TRMT13: variants seen among roughly 807,000 people sequenced by gnomAD.
TRMT13 encodes the protein tRNA:m(4)X modification enzyme TRM13 homolog.
In TRMT13, 45 loss-of-function variants were observed where a neutral mutation model predicts 55.9. That is an observed-to-expected ratio of 0.80 (90% confidence interval 0.63 to 1.03). TRMT13 has a LOEUF of 1.03. Ranked by LOEUF, TRMT13 falls within the 50% of genes least tolerant of loss-of-function variation. The probability of loss-of-function intolerance (pLI) is 0.00; values close to 1 mark genes in which losing one functional copy is unlikely to be tolerated. For synonymous variants in TRMT13, 183 were observed against 196.3 expected (o/e 0.93, Z 0.57); for missense variants, 513 against 563.9 (o/e 0.91, Z 0.91).
In TRMT13 at chr1:100,140,192, C is replaced by T. The variant is rs973609487; in HGVS notation, c.335C>T (p.Ser112Phe). 8 of 1,609,136 alleles carry T rather than the reference C, an allele frequency of 5.0e-6. No homozygotes were observed. Among genetic ancestry groups the T allele is most frequent in the Non-Finnish European group, 6.8e-6 (8 of 1,177,568 alleles). ...TATTTTTGTATATAGGTTCCAATTT[C>T]TTCTCTATCTGAAGAGCAGTTGGAA... The part of the protein sequence containing the change: ...TEIPEQLVPI[S>F]SLSEEQLEKL... Residue 112 changes from serine to phenylalanine, a missense_variant, in exon 5 of 11, where the codon TCT becomes TTT. By Grantham distance (155) the Ser-to-Phe change is radical. Coordinates refer to ENST00000370141, the MANE Select transcript of TRMT13 (RefSeq NM_019083.3).
intron 5 of TRMT13, 22 bp from the exon 6 acceptor site, chr1:100,140,386 G>A (rs570284946): frequency 6.3e-7 from 1 of 1,599,372 alleles, no homozygotes; most frequent in African/African-American, 1.3e-5. Context: ...TGCTTAAGCT[G>A]TTGTGCTTAT....
chr1:100,139,551 G>A, intron 3 of TRMT13, 98 bp from the exon 4 acceptor site: 1 of 698,564 alleles, frequency 1.4e-6, no homozygotes, highest in African/African-American at 1.8e-5. Context: ...AGGATGGCAG[G>A]TACAGAGCAG....
In TRMT13 at chr1:100,136,895, G is replaced by A. The variant is rs375088529; in HGVS notation, c.161G>A (p.Arg54Gln). The A allele has an allele frequency of 7.5e-6, 12 of 1,598,182 alleles. No individual in the cohort carries two copies. The highest frequency in any genetic ancestry group is 1.2e-5 in the South Asian group (1 of 86,554). Residue 54 changes from arginine (R) to glutamine (Q), a missense_variant, in exon 2 of 11, where the codon CGG becomes CAG. Physicochemically the swap from Arg to Gln is conservative, Grantham distance 43 (BLOSUM62 1). This residue lies in a region of TRMT13 where 298 missense variants were observed against 290.3 expected (regional missense o/e 1.03). Coordinates refer to ENST00000370141, the MANE Select transcript of TRMT13 (RefSeq NM_019083.3). ...HAGAAEEEDA[R>Q]KRILCPLDPK... Reference sequence around the variant, plus strand: ...TTAATTTATTAGGAAGAAGATGCTCGGAAAAGAATCCTGTGTCCTTTAGAT... The same window carrying A: ...TTAATTTATTAGGAAGAAGATGCTCAGAAAAGAATCCTGTGTCCTTTAGAT...
intron 9 of TRMT13, 141 bp from the exon 10 acceptor site, chr1:100,147,753 T>G: frequency 1.4e-6 from 1 of 693,886 alleles, no homozygotes; most frequent in South Asian, 2.4e-5. Context: ...TTCATGATAG[T>G]ATTATTACAA....
At chr1:100,148,457 C>G in intron 10 of TRMT13, 131 bp downstream of exon 10, 1 of 1,116,168 alleles carries the variant, frequency 9.0e-7, no homozygotes, top group Middle Eastern at 2.5e-4. Context: ...CTAAAATATA[C>G]ACATCTTTTA....
Position 100,149,387 on chromosome 1 carries a change from C to T in TRMT13, c.*567C>T, listed in dbSNP as rs759406944. ...TCACCTTCAAATTTCCAGAGCCATA[C>T]ATGTATATATTGTCAGAATCTGTCC... On this transcript the variant is annotated 3_prime_UTR_variant, in exon 11 of 11. Coordinates refer to ENST00000370141, the MANE Select transcript of TRMT13 (RefSeq NM_019083.3). 13 of 1,546,110 alleles carry T rather than the reference C, an allele frequency of 8.4e-6. No homozygotes were observed. The African/African-American group carries it at 1.4e-4, about 16-fold the overall frequency.
intron 1 of TRMT13, 135 bp from the exon 2 acceptor site, chr1:100,136,747 G>T: frequency 1.3e-6 from 1 of 789,174 alleles, no homozygotes; most frequent in Non-Finnish European, 2.0e-6. Context: ...ACCTGATTTT[G>T]CCAACTTTTC....
At chr1:100,144,217 G>C in intron 9 of TRMT13, 74 bp downstream of exon 9, 1 of 1,039,398 alleles carries the variant, frequency 9.6e-7, no homozygotes, top group Non-Finnish European at 1.5e-6. Flanking sequence ...CCATTTCAGT[G>C]GTCTCTTTTG....
intron 8 of TRMT13, 26 bp from the exon 9 acceptor site, chr1:100,144,043 A>G: frequency 6.4e-7 from 1 of 1,569,284 alleles, no homozygotes. Context: ...ATTTCACTAG[A>G]CAGTTAATTC....
At chr1:100,141,551 C>G (rs1053387589) in intron 7 of TRMT13, among the ~76,000 whole-genome samples, 1 of 152,072 alleles carries the variant, frequency 6.6e-6, no homozygotes, top group African/African-American at 2.4e-5. Flanking sequence ...AGGCTGGTGT[C>G]GAACTCCTGA....
At chr1:100,140,617 G>C (rs1642786063) in intron 6 of TRMT13, 103 bp downstream of exon 6, 2 of 995,452 alleles carry the variant, frequency 2.0e-6, no homozygotes, top group South Asian at 1.6e-5. Context: ...TACCTTTGAG[G>C]GTACCAAATA....
rs371674606 is a variant in TRMT13, at chr1:100,149,148, TTAA to T, written c.*330_*332del. 2.2e-3 allele frequency: 3,503 copies of T among 1,563,864 alleles called. 7 individuals carry two copies. Among genetic ancestry groups the T allele is most frequent in the Middle Eastern group, 8.4e-3 (46 of 5,450 alleles). On this transcript the variant is annotated 3_prime_UTR_variant, in exon 11 of 11. Transcript: ENST00000370141. ...CATAATTAGCGTATTTCTGTTTGTA[TTAA>T]TTTTGGAAATTTATCTTCCTTTGAT...
intron 6 of TRMT13, 69 bp from the exon 7 acceptor site, chr1:100,140,783 C>A: frequency 7.0e-7 from 1 of 1,422,612 alleles, no homozygotes; most frequent in Non-Finnish European, 9.7e-7. Context: ...CAGAAATTAC[C>A]TTGCTGTTTT....
chr1:100,141,029 A>G lies in TRMT13; in HGVS notation c.669+10A>G. 3 of 1,604,690 alleles carry G rather than the reference A, an allele frequency of 1.9e-6. No individual in the cohort carries two copies. The highest frequency in any genetic ancestry group is 2.6e-6 in the Non-Finnish European group (3 of 1,175,480). ...GACCACAAGATTCAAGGTAAGTGAA[A>G]CCATTGCTCTGTGTTAGTAACCAAA... On this transcript the variant is annotated intron_variant, in intron 7 of 10. Transcript: ENST00000370141.
At position 100,148,454 on chromosome 1, in the gene TRMT13, A is replaced by G. The variant is rs1042267472; in HGVS notation, c.1250+128A>G. On this transcript the variant is annotated intron_variant, in intron 10 of 10. Transcript: ENST00000370141. ...ATCTAATTTTAGAATAAGCTAAAATATACACATCTTTTATTGTGGTCATAA... is the reference window on the plus strand; with the variant it reads ...ATCTAATTTTAGAATAAGCTAAAATGTACACATCTTTTATTGTGGTCATAA... The G allele has an allele frequency of 5.3e-6, 6 of 1,130,248 alleles. No individual in the cohort carries two copies. In the Admixed American group the frequency reaches 7.3e-5, roughly 14 times the overall value. 70.0% of individuals were successfully genotyped at this position (1,130,248 alleles called of 1,614,324 possible). A position where few individuals can be genotyped will look rare whatever the true frequency, so the allele number is the denominator to read the frequency against.
rs1422224502 is a variant in TRMT13 at position 100,140,511 on chromosome 1, G to A, written c.498G>A (p.Gln166=). Residue 166 remains glutamine (Q), a synonymous_variant, in exon 6 of 11, where the codon CAG becomes CAA. Coordinates refer to ENST00000370141, the MANE Select transcript of TRMT13 (RefSeq NM_019083.3). ...ATTCTGCAACCAAGCACCTGAAACAGCAGGTATGTTTAGGCTATAGTAACT... is the reference window on the plus strand; with the variant it reads ...ATTCTGCAACCAAGCACCTGAAACAACAGGTATGTTTAGGCTATAGTAACT... The part of the protein sequence containing the change: ...NGDSATKHLK[Q]QASILGNIEN... 2 of 1,607,112 alleles carry A rather than the reference G, an allele frequency of 1.2e-6. No homozygotes were observed. Among genetic ancestry groups the A allele is most frequent in the Non-Finnish European group, 1.7e-6 (2 of 1,173,626 alleles).
chr1:100,137,115 T>A (rs746963224), intron 3 of TRMT13, 30 bp downstream of exon 3: 2 of 1,567,258 alleles, frequency 1.3e-6, no homozygotes, highest in Admixed American at 3.4e-5. Flanking sequence ...AATTGAATGG[T>A]GAAATGTGGT....
Position 100,148,262 on chromosome 1 carries a change from G to A in TRMT13, c.1186G>A (p.Asp396Asn), listed in dbSNP as rs1657537356. ...AAAGAGGCAAGATAATCAGAATGAT[G>A]ATAGTGAAGAGCATGATGATGGAGG... ...TTKRQDNQNDDSEEHDDGGYR... is the reference protein window; with the variant it reads ...TTKRQDNQNDNSEEHDDGGYR... Residue 396 changes from aspartate to asparagine, a missense_variant, in exon 10 of 11, where the codon GAT becomes AAT. Physicochemically the swap from Asp to Asn is conservative, Grantham distance 23. This residue lies in a region of TRMT13 where 209 missense variants were observed against 255.8 expected (regional missense o/e 0.82). Coordinates refer to ENST00000370141, the MANE Select transcript of TRMT13 (RefSeq NM_019083.3). 1.2e-6 allele frequency: 2 copies of A among 1,614,196 alleles called. No homozygotes were observed. The highest frequency in any genetic ancestry group is 2.7e-5 in the African/African-American group (2 of 75,066).
intron 7 of TRMT13, among the ~76,000 whole-genome samples, chr1:100,141,244 A>G (rs1431732843): frequency 1.3e-5 from 2 of 152,204 alleles, no homozygotes; most frequent in African/African-American, 4.8e-5. Flanking sequence ...AATTATTTGC[A>G]GAGACAGGAA....
Sources: allele counts gnomAD v4.1 joint callset (sites outside exome capture counted in the v4.1 genomes callset), GRCh38; gene constraint gnomAD v4.1.1; regional missense constraint gnomAD v4.1.1; transcripts MANE v1.5; gene names NCBI Gene and HGNC (gene_info 2026-07-23, HGNC 2026-07-21).